Variants in CACNA1A observed in about 807,000 individuals in gnomAD.
The protein encoded by CACNA1A is voltage-dependent P/Q-type calcium channel subunit alpha-1A.
Under a neutral mutation model 262.4 loss-of-function variants are expected in CACNA1A, and 57 were observed. The observed-to-expected ratio is 0.22, with a 90% CI of 0.18 to 0.27. The LOEUF (loss-of-function observed/expected upper bound fraction) is 0.27, where lower values mean the gene tolerates loss of function less well. Ranked by LOEUF, CACNA1A falls within the 10% of genes least tolerant of loss-of-function variation. The pLI is 1.00. For synonymous variants in CACNA1A, 1,431 were observed against 1,419.3 expected (o/e 1.01, Z -0.18); for missense variants, 2,526 against 3,562.8 (o/e 0.71, Z 7.41).
intron 3 of CACNA1A, among the ~76,000 whole-genome samples, chr19:13,431,409 A>G (rs1276746285): frequency 6.6e-6 from 1 of 152,046 alleles, no homozygotes; most frequent in Non-Finnish European, 1.5e-5. Context: ...AAAAAGAGGC[A>G]TAGAGGCATA....
At chr19:13,334,555 G>GTA (rs2058525200) in intron 7 of CACNA1A, 62 bp from the exon 8 acceptor site, 1 of 468,298 alleles carries the variant, frequency 2.1e-6, no homozygotes, top group Non-Finnish European at 3.7e-6. Flanking sequence ...ACGTTTGTGT[G>GTA]TGTGTTTGTG....
chr19:13,282,066 C>A (rs989077580), intron 22 of CACNA1A, among the ~76,000 whole-genome samples: 1 of 152,204 alleles, frequency 6.6e-6, no homozygotes. Flanking sequence ...CGGGAAGCAA[C>A]TAAGCGGACT....
Position 13,208,932 on chromosome 19 carries a change from GCCGGCCCCGCTC to G in CACNA1A, c.6592_6603del (p.Glu2198_Arg2201del), listed in dbSNP as rs1430669723. The G allele has an allele frequency of 6.5e-7, 1 of 1,537,354 alleles. No individual in the cohort carries two copies. The highest frequency in any genetic ancestry group is 1.4e-5 in the African/African-American group (1 of 73,028). On this transcript the variant is annotated inframe_deletion, in exon 46 of 47. Transcript: ENST00000360228. ...TGCTGTCGATGCTTCCGATCCTTGGGCCGGCCCCGCTCCTGGTCCCGCTCCTTCGACGGCAGG... is the reference window on the plus strand; with the variant it reads ...TGCTGTCGATGCTTCCGATCCTTGGGCTGGTCCCGCTCCTTCGACGGCAGG...
At chr19:13,471,195 C>A (rs1029065341) in intron 1 of CACNA1A, among the ~76,000 whole-genome samples, 1 of 152,178 alleles carries the variant, frequency 6.6e-6, no homozygotes, top group Non-Finnish European at 1.5e-5. Context: ...TCATCTCAAT[C>A]CCTGACTCAA....
intron 10 of CACNA1A, among the ~76,000 whole-genome samples, chr19:13,321,126 C>T (rs1197471524): frequency 4.0e-5 from 6 of 151,300 alleles, no homozygotes; most frequent in Non-Finnish European, 7.4e-5. Flanking sequence ...CTCTGCCTCC[C>T]AAGTTCAAGT....
intron 11 of CACNA1A, 49 bp from the exon 12 acceptor site, chr19:13,312,830 T>C (rs1370208082): frequency 2.1e-6 from 2 of 965,566 alleles, no homozygotes; most frequent in East Asian, 5.7e-5. Context: ...TTGCTGAGGG[T>C]AGGGGTTCCA....
intron 31 of CACNA1A, among the ~76,000 whole-genome samples, chr19:13,239,447 G>A (rs966423670): frequency 3.9e-5 from 6 of 152,184 alleles, no homozygotes; most frequent in Admixed American, 1.3e-4. Context: ...TTATTTGACC[G>A]ATGCCTGCCT....
At chr19:13,233,522 C>G (rs1282344742) in intron 34 of CACNA1A, among the ~76,000 whole-genome samples, 2 of 152,170 alleles carry the variant, frequency 1.3e-5, no homozygotes, top group African/African-American at 4.8e-5. Context: ...GAGTCTCGCT[C>G]TGTTGCCGAG....
At position 13,298,611 on chromosome 19, in the gene CACNA1A, C is replaced by T. The variant is rs1191408660; in HGVS notation, c.3022G>A (p.Gly1008Ser). ...TCCCCCTCGTACGTGGCTGGAGCGC[C>T]ATGCCGGTGCCTTCTCCTGCGCTCG... Reference protein sequence around the residue: ...GGERRRRHRHGAPATYEGDAR... With the variant: ...GGERRRRHRHSAPATYEGDAR... The change falls in exon 19 of 47, where the codon GGC (glycine) becomes AGC (serine). Residue 1008 changes from glycine (G) to serine (S), a missense_variant. Coordinates refer to ENST00000360228, the MANE Select transcript of CACNA1A (RefSeq NM_001127222.2). The T allele has an allele frequency of 6.5e-7, 1 of 1,536,706 alleles. No individual in the cohort carries two copies.
chr19:13,278,132 A>C (rs1391527689), intron 22 of CACNA1A, among the ~76,000 whole-genome samples: 1 of 151,472 alleles, frequency 6.6e-6, no homozygotes, highest in African/African-American at 2.4e-5. Flanking sequence ...GCAAGGGCTG[A>C]GCATTACTGA....
chr19:13,378,857 CG>C (rs1449730496), intron 3 of CACNA1A, among the ~76,000 whole-genome samples: 2 of 151,546 alleles, frequency 1.3e-5, no homozygotes, highest in Admixed American at 1.3e-4. Context: ...TTCATAGAGA[CG>C]GGGTTTCACC....
intron 3 of CACNA1A, among the ~76,000 whole-genome samples, chr19:13,406,177 G>A (rs1050354510): frequency 1.3e-5 from 2 of 151,572 alleles, no homozygotes; most frequent in Non-Finnish European, 2.9e-5. Context: ...TAAAAAGGAC[G>A]GGCATGGTGG....
intron 27 of CACNA1A, 65 bp from the exon 28 acceptor site, chr19:13,257,616 A>T (rs2056605628): frequency 2.8e-6 from 3 of 1,059,962 alleles, no homozygotes; most frequent in Non-Finnish European, 4.1e-6. Context: ...CCAAGGGGTG[A>T]TGAGGAAGGT....
intron 7 of CACNA1A, 77 bp downstream of exon 7, chr19:13,335,729 G>A: frequency 2.1e-6 from 2 of 944,962 alleles, no homozygotes; most frequent in Admixed American, 4.0e-5. Flanking sequence ...TGAAAACAAA[G>A]CTTCAATGGC....
At chr19:13,486,939 AAC>A (rs1437631745) in intron 1 of CACNA1A, among the ~76,000 whole-genome samples, 1 of 151,724 alleles carries the variant, frequency 6.6e-6, no homozygotes, top group Non-Finnish European at 1.5e-5. Context: ...TCTTTCTTTT[AAC>A]ACTTATTTAT....
intron 24 of CACNA1A, 126 bp downstream of exon 24, chr19:13,275,724 T>C: frequency 1.4e-6 from 1 of 707,476 alleles, no homozygotes; most frequent in Non-Finnish European, 2.6e-6. Flanking sequence ...TGCTGATATC[T>C]CCCACGTCCC....
intron 3 of CACNA1A, among the ~76,000 whole-genome samples, chr19:13,436,937 A>T (rs2060622475): frequency 6.6e-6 from 1 of 152,236 alleles, no homozygotes; most frequent in South Asian, 2.1e-4. Context: ...AATGCAGCAA[A>T]CAATGAGTAC....
chr19:13,252,742 T>C, intron 30 of CACNA1A: 1 of 299,532 alleles, frequency 3.3e-6, no homozygotes, highest in Non-Finnish European at 6.2e-6. Flanking sequence ...CCAGCCATGA[T>C]GACTCCCATC....
intron 19 of CACNA1A, 29 bp downstream of exon 19, chr19:13,298,515 T>C: frequency 6.6e-7 from 1 of 1,518,860 alleles, no homozygotes; most frequent in East Asian, 2.6e-5. Flanking sequence ...TTACCGTCAT[T>C]CTGCGGATTC....
Sources: gnomAD v4.1 joint callset for allele counts (sites outside exome capture counted in the v4.1 genomes callset) on GRCh38, gnomAD v4.1.1 for gene constraint, MANE v1.5 for transcripts, NCBI Gene and HGNC (gene_info 2026-07-23, HGNC 2026-07-21) for gene names.